The following PACRG variants were observed in gnomAD, a reference collection of about 807,000 sequenced individuals.
PACRG encodes the protein parkin coregulated.
Under a neutral mutation model 29.7 loss-of-function variants are expected in PACRG, and 29 were observed. That is an observed-to-expected ratio of 0.98 (90% CI 0.73 to 1.33). The LOEUF (loss-of-function observed/expected upper bound fraction) is 1.33. Among genes scored for constraint, PACRG ranks in the 40% most tolerant of loss-of-function variants. The pLI is 0.00. For synonymous variants in PACRG, 116 were observed against 118.7 expected, an observed-to-expected ratio of 0.98 and a Z score of 0.15; for missense variants, 279 against 316.2, an observed-to-expected ratio of 0.88 and a Z score of 0.89.
intron 4 of PACRG, among the ~76,000 whole-genome samples, chr6:163,217,350 G>A (rs907072315): frequency 1.3e-5 from 2 of 152,210 alleles, no homozygotes; most frequent in African/African-American, 4.8e-5. Context: ...CTAGGCATAC[G>A]CCAGTCCCTG....
chr6:163,243,275 G>T lies in PACRG; in HGVS notation c.614-71552G>T, dbSNP rs552617183. Among the ~76,000 whole-genome samples, 9 of 152,338 alleles carry T rather than the reference G, an allele frequency of 5.9e-5. No homozygotes were observed. The South Asian group carries it at 8.3e-4, about 14-fold the overall frequency. ...TGGCTGTTGCTGACAGTGCCACACA[G>T]TCACTGTGAGGACAGAAGTTCCACG... On this transcript the variant is annotated intron_variant, in intron 4 of 4. Coordinates refer to ENST00000366888, the MANE Select transcript of PACRG (RefSeq NM_001080379.2).
At chr6:162,766,640 T>A (rs1782813779) in intron 1 of PACRG, among the ~76,000 whole-genome samples, 1 of 152,192 alleles carries the variant, frequency 6.6e-6, no homozygotes, top group East Asian at 1.9e-4. Flanking sequence ...TTCTTGAATC[T>A]CCATAATGTT....
intron 4 of PACRG, among the ~76,000 whole-genome samples, chr6:163,118,583 T>C (rs1185035738): frequency 2.0e-5 from 3 of 152,260 alleles, no homozygotes; most frequent in African/African-American, 7.2e-5. Flanking sequence ...CCTATGTCAC[T>C]TGCTAACTTA....
chr6:162,975,386 T>TA (rs1801865739), intron 2 of PACRG, among the ~76,000 whole-genome samples: 1 of 152,204 alleles, frequency 6.6e-6, no homozygotes, highest in Non-Finnish European at 1.5e-5. Context: ...AAATACAAGA[T>TA]AGTATTGCAA....
At chr6:162,958,876 TATATATATAG>T (rs1218867842) in intron 2 of PACRG, among the ~76,000 whole-genome samples, 21 of 30,058 alleles carry the variant, frequency 7.0e-4, no homozygotes, top group Middle Eastern at 0.019. Flanking sequence ...TATATATATA[TATATATATAG>T]AGAGAGAGAG....
intron 2 of PACRG, among the ~76,000 whole-genome samples, chr6:163,019,116 A>G (rs1351443779): frequency 6.6e-6 from 1 of 152,170 alleles, no homozygotes; most frequent in Non-Finnish European, 1.5e-5. Flanking sequence ...AAGTTCTTCT[A>G]TTGAGGGGCA....
intron 4 of PACRG, among the ~76,000 whole-genome samples, chr6:163,235,415 G>A (rs7775162): frequency 0.41 from 63,082 of 152,028 alleles, 14,095 homozygotes; most frequent in African/African-American, 0.58. Flanking sequence ...CCACTAAAAT[G>A]TCACTTGACT....
At chr6:162,886,862 AAAG>A in intron 2 of PACRG, among the ~76,000 whole-genome samples, 1 of 152,284 alleles carries the variant, frequency 6.6e-6, no homozygotes, top group East Asian at 1.9e-4. Context: ...TTCTAAGAGA[AAAG>A]AGACGTTATC....
At chr6:163,196,133 G>T (rs1488535666) in intron 4 of PACRG, among the ~76,000 whole-genome samples, 1 of 152,156 alleles carries the variant, frequency 6.6e-6, no homozygotes, top group Non-Finnish European at 1.5e-5. Flanking sequence ...AGCATTTCTC[G>T]CACAGCGTTT....
rs147802947 is a variant in PACRG at position 163,063,205 on chromosome 6, A to G, written c.463+884A>G. Among the ~76,000 whole-genome samples the G allele has an allele frequency of 2.4e-3, 360 of 152,156 alleles. 1 individual carries two copies. Among genetic ancestry groups the G allele is most frequent in the African/African-American group, 7.6e-3 (315 of 41,496 alleles). On this transcript the variant is annotated intron_variant, in intron 3 of 4. Transcript: ENST00000366888. ...CAGAGGATCAGTGCCTCCTCTGAAC[A>G]CTCATTCTGCAGATGAGGGAGACCC...
intron 4 of PACRG, among the ~76,000 whole-genome samples, chr6:163,214,791 G>A (rs1464454592): frequency 6.6e-6 from 1 of 151,978 alleles, no homozygotes; most frequent in African/African-American, 2.4e-5. Flanking sequence ...AACACTGTTG[G>A]CTGCCATTTC....
chr6:162,763,067 C>A (rs1177554485), intron 1 of PACRG, among the ~76,000 whole-genome samples: 4 of 152,188 alleles, frequency 2.6e-5, no homozygotes, highest in Non-Finnish European at 5.9e-5. Flanking sequence ...AATTTTAGGA[C>A]TTGCCTCACA....
chr6:163,126,133 G>A (rs974749663), intron 4 of PACRG, among the ~76,000 whole-genome samples: 3 of 152,210 alleles, frequency 2.0e-5, no homozygotes, highest in Non-Finnish European at 4.4e-5. Flanking sequence ...GCACCTAACT[G>A]TGATGATTCT....
At chr6:162,835,057 T>TTTGG (rs1460019660) in intron 2 of PACRG, among the ~76,000 whole-genome samples, 15 of 152,194 alleles carry the variant, frequency 9.9e-5, no homozygotes, top group African/African-American at 3.6e-4. Flanking sequence ...TCAATGCTCA[T>TTTGG]TTGGTTACTC....
At position 163,089,404 on chromosome 6, in the gene PACRG, G is replaced by A. The variant is rs369701260; in HGVS notation, c.609G>A (p.Met203Ile). 8.7e-6 allele frequency: 14 copies of A among 1,613,148 alleles called. No homozygotes were observed. Among genetic ancestry groups the A allele is most frequent in the Non-Finnish European group, 1.2e-5 (14 of 1,179,638 alleles). Residue 203 changes from methionine to isoleucine, a missense_variant, in exon 4 of 5, where the codon ATG (methionine) becomes ATA (isoleucine). Physicochemically the swap from Met to Ile is conservative, Grantham distance 10. Transcript: ENST00000366888. ...ILPVLNIFKN[M>I]NVNSGDGIDY... ...CTGTCCTGAACATCTTTAAGAATAT[G>A]AATGGTGAGTGAGCCCACGAGTCAA...
chr6:163,213,193 C>T (rs1227264595), intron 4 of PACRG, among the ~76,000 whole-genome samples: 1 of 152,106 alleles, frequency 6.6e-6, no homozygotes, highest in Non-Finnish European at 1.5e-5. Flanking sequence ...AAATGCAAAA[C>T]CTGACTCTAA....
chr6:163,191,842 C>T (rs1255511429), intron 4 of PACRG: 2 of 441,026 alleles, frequency 4.5e-6, no homozygotes, highest in South Asian at 3.2e-5. Flanking sequence ...CATAGGAGTC[C>T]CTCCCAATGA....
intron 2 of PACRG, among the ~76,000 whole-genome samples, chr6:162,958,874 TATATATATATAGAGAGAGAGAGAG>T (rs1171673941): frequency 8.7e-3 from 390 of 44,678 alleles, no homozygotes; most frequent in Middle Eastern, 0.015. Context: ...TATATATATA[TATATATATATAGAGAGAGAGAGAG>T]AGAGAGAGAG....
chr6:163,295,558 A>G (rs1434079683), intron 4 of PACRG, among the ~76,000 whole-genome samples: 1 of 152,208 alleles, frequency 6.6e-6, no homozygotes, highest in Non-Finnish European at 1.5e-5. Context: ...TACGGAAGTG[A>G]AAGAAAGTAA....
Sources: allele counts gnomAD v4.1 joint callset (sites outside exome capture counted in the v4.1 genomes callset), GRCh38; gene constraint gnomAD v4.1.1; transcripts MANE v1.5; gene names NCBI Gene and HGNC (gene_info 2026-07-23, HGNC 2026-07-21).